Variants in FBLN1 observed in about 807,000 individuals in gnomAD.
FBLN1 encodes the protein fibulin-1.
A neutral mutation model predicts 89.7 loss-of-function variants in FBLN1; 34 were observed. That is an observed-to-expected ratio of 0.38 (90% CI 0.29 to 0.50). FBLN1 has a LOEUF of 0.50. Ranked by LOEUF, FBLN1 falls within the 20% of genes least tolerant of loss-of-function variation. The pLI, the probability that FBLN1 is intolerant of heterozygous loss-of-function variation, is 0.92. For missense variants in FBLN1, 777 were observed against 988.1 expected (o/e 0.79, Z 2.86); for synonymous variants, 393 against 391.3 (o/e 1.00, Z -0.05).
chr22:45,578,098 C>T lies in FBLN1; in HGVS notation c.1972+990C>T, dbSNP rs2089012901. 1 of 151,892 alleles carries T rather than the reference C, an allele frequency of 6.6e-6. No individual in the cohort carries two copies. Among genetic ancestry groups the T allele is most frequent in the South Asian group, 2.1e-4 (1 of 4,818 alleles). The allele number at this position is 151,892 out of a possible 1,614,324, so 9.4% of individuals were successfully genotyped here. ...CTGGGAGGAGTGGGCTTCCTAGTCCCTTAGGCGCTGGAGTCCGGGAGGTCC... is the reference window on the plus strand; with the variant it reads ...CTGGGAGGAGTGGGCTTCCTAGTCCTTTAGGCGCTGGAGTCCGGGAGGTCC... On this transcript the variant is annotated intron_variant, in intron 16 of 16. Transcript: ENST00000327858. This position sits in a 1 kb window ranked among gnomAD's most constrained non-coding sequence, Gnocchi z 4.6.
Position 45,590,829 on chromosome 22 carries a change from T to A in FBLN1, c.1973-9478T>A, listed in dbSNP as rs115284888. Reference sequence around the variant, plus strand: ...GTGAGGGGTAGGGGAGGAAGGGAAGTGGGTTTAAGGGAGGAGGGTAGGTCA... The same window carrying A: ...GTGAGGGGTAGGGGAGGAAGGGAAGAGGGTTTAAGGGAGGAGGGTAGGTCA... On this transcript the variant is annotated intron_variant, in intron 16 of 16. Coordinates refer to ENST00000327858, the MANE Select transcript of FBLN1 (RefSeq NM_006486.3). The surrounding 1 kb of genome is among the most constrained non-coding windows in gnomAD (Gnocchi z 4.1). 0.044 allele frequency among the ~76,000 whole-genome samples: 6,653 copies of A among 150,958 alleles called. 468 individuals carry two copies. Among genetic ancestry groups the A allele is most frequent in the African/African-American group, 0.15 (6,261 of 41,084 alleles).
rs1189497038 is a variant in FBLN1, at chr22:45,579,357, G to A, written c.1972+2249G>A. Among the ~76,000 whole-genome samples the A allele has an allele frequency of 6.6e-6, 1 of 152,258 alleles. No homozygotes were observed. Among genetic ancestry groups the A allele is most frequent in the Admixed American group, 6.5e-5 (1 of 15,292 alleles). On this transcript the variant is annotated intron_variant, in intron 16 of 16. Transcript: ENST00000327858. The surrounding 1 kb of genome is among the most constrained non-coding windows in gnomAD (Gnocchi z 5.5). The stretch of plus-strand genomic sequence containing the variant: ...TTACAGTGAATCAGGGACACAGTGG[G>A]CAATGGAAAGGAGTCCCAGGGTATG...
intron 16 of FBLN1, among the ~76,000 whole-genome samples, chr22:45,596,808 T>A (rs1399665720): frequency 7.8e-6 from 1 of 128,988 alleles, no homozygotes; most frequent in Non-Finnish European, 1.5e-5. Flanking sequence ...TACACTTATG[T>A]GTAAATATAA....
rs1018818063 is a variant in FBLN1, at chr22:45,578,136, A to G, written c.1972+1028A>G. 6.6e-6 allele frequency: 1 copy of G among 152,066 alleles called. No individual in the cohort carries two copies. The highest frequency in any genetic ancestry group is 1.5e-5 in the Non-Finnish European group (1 of 68,030). 9.4% of individuals were successfully genotyped at this position (152,066 alleles called of 1,614,324 possible). A position where few individuals can be genotyped will look rare whatever the true frequency, so the allele number is the denominator to read the frequency against. ...GTCCGGGAGGTCCTAACCAGAACCC[A>G]CGAGCGTGCAGTGCGCACAGAGCAG... On this transcript the variant is annotated intron_variant, in intron 16 of 16. Transcript: ENST00000327858. The surrounding 1 kb of genome is among the most constrained non-coding windows in gnomAD (Gnocchi z 4.6).
chr22:45,564,706 T>C (rs774668857), intron 14 of FBLN1, among the ~76,000 whole-genome samples: 1 of 152,252 alleles, frequency 6.6e-6, no homozygotes, highest in Non-Finnish European at 1.5e-5. Flanking sequence ...CAGAAGGCTC[T>C]GTGAAGGCAG....
At chr22:45,525,079 A>AAGAAAGAG (rs201381036) in intron 2 of FBLN1, among the ~76,000 whole-genome samples, 1 of 151,360 alleles carries the variant, frequency 6.6e-6, no homozygotes, top group Non-Finnish European at 1.5e-5. Context: ...CAAAGAAAGA[A>AAGAAAGAG]AGAAAGAGAG....
rs1158363305 is a variant in FBLN1, at chr22:45,575,484, G to A, written c.1840+831G>A. The stretch of plus-strand genomic sequence containing the variant: ...GGATAAACAGGAGGCTAAAACTGGA[G>A]TTGGGCCTTCAACCCCCAGGCTTTG... On this transcript the variant is annotated intron_variant, in intron 15 of 16. Transcript: ENST00000327858. The surrounding 1 kb of genome is among the most constrained non-coding windows in gnomAD (Gnocchi z 6.3). Among the ~76,000 whole-genome samples, 1 of 152,128 alleles carries A rather than the reference G, an allele frequency of 6.6e-6. No homozygotes were observed.
Position 45,578,687 on chromosome 22 carries a change from G to A in FBLN1, c.1972+1579G>A, listed in dbSNP as rs183372592. Among the ~76,000 whole-genome samples, 816 of 152,308 alleles carry A rather than the reference G, an allele frequency of 5.4e-3. 6 individuals carry two copies. Among genetic ancestry groups the A allele is most frequent in the Middle Eastern group, 0.017 (5 of 294 alleles). Reference sequence around the variant, plus strand: ...TGCACCCTGACACTGGCCCACAGCCGCCCCCCGCCCCAAAGGGGCCAGCCC... The same window carrying A: ...TGCACCCTGACACTGGCCCACAGCCACCCCCCGCCCCAAAGGGGCCAGCCC... On this transcript the variant is annotated intron_variant, in intron 16 of 16. Coordinates refer to ENST00000327858, the MANE Select transcript of FBLN1 (RefSeq NM_006486.3). This position sits in a 1 kb window ranked among gnomAD's most constrained non-coding sequence, Gnocchi z 4.6.
At chr22:45,548,765 G>A in intron 13 of FBLN1, 21 bp downstream of exon 13, 1 of 1,611,752 alleles carries the variant, frequency 6.2e-7, no homozygotes, top group Non-Finnish European at 8.5e-7. Context: ...GGGATGCCCT[G>A]GGGTCCCTCA....
chr22:45,584,502 T>G (rs2089068470), intron 16 of FBLN1, among the ~76,000 whole-genome samples: 1 of 152,248 alleles, frequency 6.6e-6, no homozygotes, highest in Admixed American at 6.5e-5. Flanking sequence ...TGCTCTGGGC[T>G]TGCGGCTTTG....
chr22:45,574,447 C>A lies in FBLN1; in HGVS notation c.1698-64C>A. On this transcript the variant is annotated intron_variant, in intron 14 of 16. Coordinates refer to ENST00000327858, the MANE Select transcript of FBLN1 (RefSeq NM_006486.3). This position sits in a 1 kb window ranked among gnomAD's most constrained non-coding sequence, Gnocchi z 4.1. ...CCACCTGCTCCTCCTCCCTAGACCT[C>A]GGCCCCTGTGGGAGCTGCTGTCCCA... The A allele has an allele frequency of 1.3e-6, 2 of 1,598,436 alleles. No individual in the cohort carries two copies. Among genetic ancestry groups the A allele is most frequent in the Non-Finnish European group, 1.7e-6 (2 of 1,167,952 alleles).
chr22:45,517,736 C>T (rs1280322088), intron 1 of FBLN1: 3 of 426,874 alleles, frequency 7.0e-6, no homozygotes, highest in African/African-American at 4.1e-5. Flanking sequence ...GCCTCGGTTT[C>T]CTCAATCTGT....
rs1569245155 is a variant in FBLN1 at position 45,537,875 on chromosome 22, G to C, written c.922+2538G>C. 1.3e-5 allele frequency among the ~76,000 whole-genome samples: 2 copies of C among 152,232 alleles called. No homozygotes were observed. Among genetic ancestry groups the C allele is most frequent in the South Asian group, 2.1e-4 (1 of 4,838 alleles). ...TGGGCTCTCCGGGACCAGCGGGGAG[G>C]ATAGTCCTGCTCAGACTTGCAGCCT... On this transcript the variant is annotated intron_variant, in intron 8 of 16. Coordinates refer to ENST00000327858, the MANE Select transcript of FBLN1 (RefSeq NM_006486.3). The surrounding 1 kb of genome is among the most constrained non-coding windows in gnomAD (Gnocchi z 5.7).
chr22:45,586,630 T>C, intron 16 of FBLN1, among the ~76,000 whole-genome samples: 1 of 152,176 alleles, frequency 6.6e-6, no homozygotes, highest in Non-Finnish European at 1.5e-5. Flanking sequence ...CCATCTCCCG[T>C]GCCTGCTTGG....
rs1362006764 is a variant in FBLN1 at position 45,561,321 on chromosome 22, G to T, written c.1697+10706G>T. ...TTGAGGCTCAGTATCTGCTTCTGAA[G>T]CTGGGAGATGGAATCCCTGAGTTCA... On this transcript the variant is annotated intron_variant, in intron 14 of 16. Transcript: ENST00000327858. The surrounding 1 kb of genome is among the most constrained non-coding windows in gnomAD (Gnocchi z 4.7). Among the ~76,000 whole-genome samples the T allele has an allele frequency of 6.6e-6, 1 of 152,196 alleles. No individual in the cohort carries two copies. The highest frequency in any genetic ancestry group is 1.5e-5 in the Non-Finnish European group (1 of 68,040).
chr22:45,503,306 C>G, intron 1 of FBLN1: 1 of 272,898 alleles, frequency 3.7e-6, no homozygotes, highest in East Asian at 6.0e-5. Context: ...TCAAACACAC[C>G]GTCCTACCCC....
Position 45,557,762 on chromosome 22 carries a change from C to T in FBLN1, c.1697+7147C>T, listed in dbSNP as rs1347240434. ...AGAGGTCTATCCACATACCTCTTCCCCAAATTTCATTGTCATCAATTTTCC... is the reference window on the plus strand; with the variant it reads ...AGAGGTCTATCCACATACCTCTTCCTCAAATTTCATTGTCATCAATTTTCC... On this transcript the variant is annotated intron_variant, in intron 14 of 16. Transcript: ENST00000327858. The surrounding 1 kb of genome is among the most constrained non-coding windows in gnomAD (Gnocchi z 4.9). 6.6e-6 allele frequency among the ~76,000 whole-genome samples: 1 copy of T among 152,230 alleles called. No homozygotes were observed. Among genetic ancestry groups the T allele is most frequent in the South Asian group, 2.1e-4 (1 of 4,832 alleles).
chr22:45,591,084 T>A (rs145348532), intron 16 of FBLN1, among the ~76,000 whole-genome samples: 1,631 of 152,200 alleles, frequency 0.011, 11 homozygotes, highest in Non-Finnish European at 0.015. Context: ...AGACAGCAGA[T>A]CCTTCCAGAA....
Position 45,600,729 on chromosome 22 carries a change from C to T in FBLN1, c.*283C>T, listed in dbSNP as rs1379950194. On this transcript the variant is annotated 3_prime_UTR_variant, in exon 17 of 17. Transcript: ENST00000327858. The stretch of plus-strand genomic sequence containing the variant: ...TTTCTCTGCCTCTGGCTGGGCCTTG[C>T]TAAGGGCCAAGGAAAGAAAGACATT... 1 of 478,250 alleles carries T rather than the reference C, an allele frequency of 2.1e-6. No individual in the cohort carries two copies. The highest frequency in any genetic ancestry group is 3.8e-6 in the Non-Finnish European group (1 of 260,986). The allele number at this position is 478,250 out of a possible 1,614,324, so 29.6% of individuals were successfully genotyped here. A position where few individuals can be genotyped will look rare whatever the true frequency, so the allele number is the denominator to read the frequency against.
Sources: allele counts gnomAD v4.1 joint callset (sites outside exome capture counted in the v4.1 genomes callset), GRCh38; gene constraint gnomAD v4.1.1; non-coding constraint Gnocchi (gnomAD v3.1); transcripts MANE v1.5; gene names NCBI Gene and HGNC (gene_info 2026-07-23, HGNC 2026-07-21).